The following LHFPL2 variants were observed in gnomAD, a reference collection of about 807,000 sequenced individuals.
The protein encoded by LHFPL2 is LHFPL tetraspan subfamily member 2 protein.
In LHFPL2, 7 loss-of-function variants were observed where a neutral mutation model predicts 17.5. That is an observed-to-expected ratio of 0.40 (90% CI 0.23 to 0.75). The LOEUF is 0.75. Among genes scored for constraint, LHFPL2 ranks in the 30% least tolerant of loss-of-function variants. The probability of loss-of-function intolerance (pLI) is 0.37; values close to 1 mark genes in which losing one functional copy is unlikely to be tolerated. For missense variants in LHFPL2, 241 were observed against 294.8 expected, an observed-to-expected ratio of 0.82 and a Z score of 1.34; for synonymous variants, 134 against 116.2, an observed-to-expected ratio of 1.15 and a Z score of -0.99.
At chr5:78,519,170 G>A (rs150567490) in intron 3 of LHFPL2, among the ~76,000 whole-genome samples, 1,533 of 152,174 alleles carry the variant, frequency 0.01, 13 homozygotes, top group Middle Eastern at 0.027. Flanking sequence ...AGAGAGAGAC[G>A]CGAGGCAAGA....
chr5:78,625,737 G>A (rs1411902851), intron 2 of LHFPL2: 1 of 152,224 alleles, frequency 6.6e-6, no homozygotes, highest in Non-Finnish European at 1.5e-5. Context: ...ACAAATGCAT[G>A]TTTAAGTACC....
chr5:78,565,699 G>T (rs2112417362), intron 2 of LHFPL2, among the ~76,000 whole-genome samples: 1 of 152,316 alleles, frequency 6.6e-6, no homozygotes, highest in South Asian at 2.1e-4. Context: ...ATTAACAGAT[G>T]GGGAAACTGA....
At chr5:78,642,376 A>G (rs546959140) in intron 1 of LHFPL2, among the ~76,000 whole-genome samples, 18 of 152,294 alleles carry the variant, frequency 1.2e-4, no homozygotes, top group Non-Finnish European at 2.2e-4. Context: ...ATTCACAACC[A>G]TTCCAGGTAC....
At chr5:78,538,338 A>ATT (rs11386825) in intron 3 of LHFPL2, among the ~76,000 whole-genome samples, 2 of 151,992 alleles carry the variant, frequency 1.3e-5, no homozygotes, top group African/African-American at 2.4e-5. Context: ...CTCATTAAAC[A>ATT]TTTTTTTAAA....
chr5:78,509,363 C>T (rs1755030653), intron 4 of LHFPL2, among the ~76,000 whole-genome samples: 1 of 152,188 alleles, frequency 6.6e-6, no homozygotes, highest in African/African-American at 2.4e-5. Flanking sequence ...TTAATGAGCG[C>T]CCCCGCTTAC....
rs187561637 is a variant in LHFPL2, at chr5:78,637,563, C to T, written c.-349-5195G>A. 1.2e-4 allele frequency among the ~76,000 whole-genome samples: 18 copies of T among 152,328 alleles called. No homozygotes were observed. In the East Asian group the frequency reaches 3.1e-3, roughly 26 times the overall value. On this transcript the variant is annotated intron_variant, in intron 1 of 4. Transcript: ENST00000380345. ...GCTCGCAGTCTCATCCTGATAGAGGCCAGCCCTAAGTAGCAGGTGACCAAC... is the reference window on the plus strand; with the variant it reads ...GCTCGCAGTCTCATCCTGATAGAGGTCAGCCCTAAGTAGCAGGTGACCAAC...
At chr5:78,547,672 A>G (rs1258284791) in intron 3 of LHFPL2, among the ~76,000 whole-genome samples, 2 of 152,258 alleles carry the variant, frequency 1.3e-5, no homozygotes, top group African/African-American at 4.8e-5. Context: ...GGGACAAAAA[A>G]AAAATTGAGA....
intron 2 of LHFPL2, among the ~76,000 whole-genome samples, chr5:78,582,202 G>A: frequency 6.6e-6 from 1 of 152,152 alleles, no homozygotes. Flanking sequence ...CTTGCTAGCA[G>A]TTTATCAATT....
chr5:78,601,251 G>C (rs1378829439), intron 2 of LHFPL2, among the ~76,000 whole-genome samples: 2 of 152,216 alleles, frequency 1.3e-5, no homozygotes, highest in African/African-American at 4.8e-5. Context: ...TGAGGATAAA[G>C]TAACAGAACA....
chr5:78,529,578 G>A (rs937762814), intron 3 of LHFPL2, among the ~76,000 whole-genome samples: 1 of 152,128 alleles, frequency 6.6e-6, no homozygotes, highest in Non-Finnish European at 1.5e-5. Flanking sequence ...GGAGCTTGCA[G>A]TGAGCCGAGA....
chr5:78,553,139 G>A (rs574222746), intron 3 of LHFPL2, among the ~76,000 whole-genome samples: 1 of 152,160 alleles, frequency 6.6e-6, no homozygotes, highest in Non-Finnish European at 1.5e-5. Context: ...GACCTCTCCT[G>A]CCTACCTTCA....
intron 3 of LHFPL2, among the ~76,000 whole-genome samples, chr5:78,521,092 T>C (rs1159946047): frequency 2.0e-5 from 3 of 152,234 alleles, no homozygotes; most frequent in Non-Finnish European, 2.9e-5. Flanking sequence ...TACATATCAA[T>C]TGGAATTCTA....
chr5:78,531,927 A>AT (rs536783744), intron 3 of LHFPL2, among the ~76,000 whole-genome samples: 10,327 of 141,834 alleles, frequency 0.073, 469 homozygotes, highest in African/African-American at 0.13. Context: ...TGCCCGGCTA[A>AT]TTTTTTTTTT....
At position 78,488,882 on chromosome 5, in the gene LHFPL2, A is replaced by T; in HGVS notation, c.*15T>A. ...AAGATTACTCAAGGGAGAAAATGGC[A>T]TTGTCTCTTCCAAACTAAAGGAGGC... On this transcript the variant is annotated 3_prime_UTR_variant, in exon 5 of 5. Coordinates refer to ENST00000380345, the MANE Select transcript of LHFPL2 (RefSeq NM_005779.3). 6.2e-7 allele frequency: 1 copy of T among 1,612,672 alleles called. No individual in the cohort carries two copies.
rs1163195083 is a variant in LHFPL2 at position 78,584,995 on chromosome 5, G to GTTTTTTTTTTTT, written c.-244-20136_-244-20125dup. 4.9e-5 allele frequency among the ~76,000 whole-genome samples: 2 copies of GTTTTTTTTTTTT among 40,504 alleles called. 1 individual carries two copies. The highest frequency in any genetic ancestry group is 1.6e-4 in the African/African-American group (2 of 12,302). The allele number at this position is 40,504 out of a possible 152,430, so 26.6% of individuals were successfully genotyped here. A position where few individuals can be genotyped will look rare whatever the true frequency, so the allele number is the denominator to read the frequency against. ...GGGATATAATCTCCTGGTGCGCTGT[G>GTTTTTTTTTTTT]TTTTTTTTTTTTTTTTTTTTTTTTT... On this transcript the variant is annotated intron_variant, in intron 2 of 4. Transcript: ENST00000380345.
chr5:78,548,557 C>G (rs1256127437), intron 3 of LHFPL2, among the ~76,000 whole-genome samples: 1 of 152,188 alleles, frequency 6.6e-6, no homozygotes, highest in Non-Finnish European at 1.5e-5. Flanking sequence ...GCAGAAGGGC[C>G]GTATCTACAG....
chr5:78,526,712 C>T (rs1030111690), intron 3 of LHFPL2, among the ~76,000 whole-genome samples: 34 of 152,250 alleles, frequency 2.2e-4, no homozygotes, highest in Non-Finnish European at 4.1e-4. Flanking sequence ...CCAGTGGAGG[C>T]GAGTGATTTT....
intron 4 of LHFPL2, among the ~76,000 whole-genome samples, chr5:78,498,169 C>T (rs921298696): frequency 9.2e-5 from 14 of 152,146 alleles, no homozygotes; most frequent in African/African-American, 3.1e-4. Flanking sequence ...AACACCACTG[C>T]GAAGGTACCA....
At chr5:78,592,727 TACAC>T (rs61193086) in intron 2 of LHFPL2, among the ~76,000 whole-genome samples, 5 of 30,872 alleles carry the variant, frequency 1.6e-4, no homozygotes, top group East Asian at 1.0e-3. Context: ...AAAATTCAGA[TACAC>T]ACACACACAC....
Sources: allele counts gnomAD v4.1 joint callset (sites outside exome capture counted in the v4.1 genomes callset), GRCh38; gene constraint gnomAD v4.1.1; transcripts MANE v1.5; gene names NCBI Gene and HGNC (gene_info 2026-07-23, HGNC 2026-07-21).